Variants in GPR89A observed in about 807,000 individuals in gnomAD.
GPR89A encodes the protein G protein-coupled receptor 89A.
A neutral mutation model predicts 52.0 loss-of-function variants in GPR89A; 16 were observed. The observed-to-expected ratio is 0.31, with a 90% CI of 0.21 to 0.47. The LOEUF is 0.47. GPR89A is among the 20% of genes least tolerant of loss of function. GPR89A has a pLI of 1.00. For missense variants in GPR89A, 135 were observed against 449.4 expected (o/e 0.30, Z 6.33); for synonymous variants, 55 against 150.9 (o/e 0.36, Z 4.66).
At chr1:145,639,746 C>CAAAA (rs71584625) in intron 7 of GPR89A, among the ~76,000 whole-genome samples, 1 of 131,216 alleles carries the variant, frequency 7.6e-6, no homozygotes, top group Non-Finnish European at 1.6e-5. Context: ...AACTCTGTCT[C>CAAAA]AAAAAAAAAA....
At position 145,629,198 on chromosome 1, in the gene GPR89A, G is replaced by A. The variant is rs139686415; in HGVS notation, c.416-1489G>A. The stretch of plus-strand genomic sequence containing the variant: ...AGGATGAGACAGTTCCCAGGGCCCA[G>A]AGAAGATCAGAAGCACAAGTGGAGA... On this transcript the variant is annotated intron_variant, in intron 5 of 13. Coordinates refer to ENST00000313835, the MANE Select transcript of GPR89A (RefSeq NM_001097612.2). Among the ~76,000 whole-genome samples, 667 of 152,238 alleles carry A rather than the reference G, an allele frequency of 4.4e-3. 5 individuals carry two copies. Among genetic ancestry groups the A allele is most frequent in the African/African-American group, 0.015 (625 of 41,508 alleles).
chr1:145,618,407 G>C lies in GPR89A; in HGVS notation c.190G>C (p.Gly64Arg). 7.0e-7 allele frequency: 1 copy of C among 1,427,120 alleles called. No homozygotes were observed. Among genetic ancestry groups the C allele is most frequent in the Non-Finnish European group, 9.4e-7 (1 of 1,066,466 alleles). 88.4% of individuals were successfully genotyped at this position (1,427,120 alleles called of 1,614,324 possible). A position where few individuals can be genotyped will look rare whatever the true frequency, so the allele number is the denominator to read the frequency against. ...TGAGCTCATCATCTTTGAAATCTTA[G>C]GAGTATTGAATAGCAGGTGAGTAAG... ...MFELIIFEIL[G>R]VLNSSSRYFH... The change falls in exon 3 of 14, where the codon GGA becomes CGA. Residue 64 changes from glycine to arginine, a missense_variant. Gly to Arg is a moderately radical substitution (Grantham distance 125). Coordinates refer to ENST00000313835, the MANE Select transcript of GPR89A (RefSeq NM_001097612.2).
chr1:145,622,058 A>G (rs1400409214), intron 3 of GPR89A, among the ~76,000 whole-genome samples: 2 of 151,716 alleles, frequency 1.3e-5, no homozygotes, highest in African/African-American at 2.4e-5. Context: ...CATATGACCC[A>G]ACAATTCCAC....
intron 1 of GPR89A, 139 bp from the exon 2 acceptor site, chr1:145,616,095 C>T: frequency 1.5e-6 from 1 of 655,700 alleles, no homozygotes; most frequent in Non-Finnish European, 2.7e-6. Context: ...AATAATAGGT[C>T]TTATAAGAGT....
At chr1:145,657,606 C>T (rs587655992) in intron 10 of GPR89A, among the ~76,000 whole-genome samples, 193 of 152,148 alleles carry the variant, frequency 1.3e-3, no homozygotes, top group African/African-American at 4.5e-3. Context: ...TCAATAAAGC[C>T]GTCTGGGCCT....
chr1:145,613,779 C>A (rs1388452067), intron 1 of GPR89A, among the ~76,000 whole-genome samples: 11 of 150,730 alleles, frequency 7.3e-5, no homozygotes, highest in Admixed American at 2.0e-4. Flanking sequence ...CTACCTGATT[C>A]GTTTTTTGTT....
chr1:145,662,811 A>G (rs1441321350), intron 10 of GPR89A, among the ~76,000 whole-genome samples: 3 of 149,908 alleles, frequency 2.0e-5, no homozygotes, highest in Admixed American at 6.7e-5. Flanking sequence ...CTGTGTTGCT[A>G]TTTCTTTTCA....
At chr1:145,639,107 G>T (rs1650452467) in intron 7 of GPR89A, among the ~76,000 whole-genome samples, 1 of 151,438 alleles carries the variant, frequency 6.6e-6, no homozygotes, top group Non-Finnish European at 1.5e-5. Flanking sequence ...GGACTTGTTT[G>T]CTGAAAATTA....
At chr1:145,614,897 A>T (rs1485470185) in intron 1 of GPR89A, among the ~76,000 whole-genome samples, 86 of 152,034 alleles carry the variant, frequency 5.7e-4, no homozygotes, top group Non-Finnish European at 5.9e-4. Context: ...AGGGGGCTGA[A>T]CACATGAGTT....
At chr1:145,657,767 A>G (rs1651908912) in intron 10 of GPR89A, among the ~76,000 whole-genome samples, 1 of 149,276 alleles carries the variant, frequency 6.7e-6, no homozygotes, top group Admixed American at 6.7e-5. Flanking sequence ...TGTCAAATTT[A>G]TTGGCATGAT....
At chr1:145,610,366 C>G (rs1385263443) in intron 1 of GPR89A, among the ~76,000 whole-genome samples, 2 of 152,066 alleles carry the variant, frequency 1.3e-5, no homozygotes. Context: ...ATTGATGGGA[C>G]CCTGGCTCTT....
chr1:145,614,007 G>A (rs779178680), intron 1 of GPR89A, among the ~76,000 whole-genome samples: 7 of 151,970 alleles, frequency 4.6e-5, no homozygotes, highest in Non-Finnish European at 7.4e-5. Context: ...AGCTGGTCTC[G>A]AACTCCTGGG....
intron 3 of GPR89A, among the ~76,000 whole-genome samples, chr1:145,620,022 TAAATAAATAAA>T (rs200007650): frequency 0.036 from 5,484 of 151,494 alleles, 301 homozygotes; most frequent in African/African-American, 0.13. Flanking sequence ...CTCAAAAAAA[TAAATAAATAAA>T]AAATAATCCA....
chr1:145,670,436 T>C lies in GPR89A; in HGVS notation c.*396T>C. 3.0e-6 allele frequency: 1 copy of C among 329,224 alleles called. No individual in the cohort carries two copies. The highest frequency in any genetic ancestry group is 5.8e-6 in the Non-Finnish European group (1 of 173,168). 20.4% of individuals were successfully genotyped at this position (329,224 alleles called of 1,614,324 possible). On this transcript the variant is annotated 3_prime_UTR_variant, in exon 14 of 14. Coordinates refer to ENST00000313835, the MANE Select transcript of GPR89A (RefSeq NM_001097612.2). Reference sequence around the variant, plus strand: ...AAAAGGTTATAGCTTTGCCTTGAGATTGACTCATTAAAATCAGAGACTGTA... The same window carrying C: ...AAAAGGTTATAGCTTTGCCTTGAGACTGACTCATTAAAATCAGAGACTGTA...
chr1:145,629,607 C>T (rs1254143983), intron 5 of GPR89A, among the ~76,000 whole-genome samples: 2 of 152,064 alleles, frequency 1.3e-5, no homozygotes, highest in Non-Finnish European at 2.9e-5. Flanking sequence ...GGCAGCAAAA[C>T]ATGGGCACAG....
rs1288018427 is a variant in GPR89A, at chr1:145,646,452, C to G, written c.816+180C>G. The G allele has an allele frequency of 4.3e-5, 23 of 538,270 alleles. No homozygotes were observed. The East Asian group carries it at 7.0e-4, about 16-fold the overall frequency. 33.3% of individuals were successfully genotyped at this position (538,270 alleles called of 1,614,324 possible). A position where few individuals can be genotyped will look rare whatever the true frequency, so the allele number is the denominator to read the frequency against. On this transcript the variant is annotated intron_variant, in intron 9 of 13. Coordinates refer to ENST00000313835, the MANE Select transcript of GPR89A (RefSeq NM_001097612.2). ...TTCATGAAATTGCTCCTGTCACTAG[C>G]AAAATCCTTAATGGAACACTCTCAA...
At chr1:145,615,826 G>T (rs1648643819) in intron 1 of GPR89A, among the ~76,000 whole-genome samples, 1 of 151,938 alleles carries the variant, frequency 6.6e-6, no homozygotes, top group African/African-American at 2.4e-5. Context: ...TGCCATGTTG[G>T]CCAGACTGGT....
At position 145,616,226 on chromosome 1, in the gene GPR89A, T is replaced by C. The variant is rs1553686963; in HGVS notation, c.43-8T>C. 6.2e-6 allele frequency: 10 copies of C among 1,608,430 alleles called. No homozygotes were observed. The highest frequency in any genetic ancestry group is 8.5e-7 in the Non-Finnish European group (1 of 1,176,248). On this transcript the variant is annotated splice_region_variant and splice_polypyrimidine_tract_variant and intron_variant, in intron 1 of 13. Coordinates refer to ENST00000313835, the MANE Select transcript of GPR89A (RefSeq NM_001097612.2). Reference sequence around the variant, plus strand: ...ATGTATTGACATTCTATTTTCTTTCTCCTCCAGATACTATTTTTTGGATTT... The same window carrying C: ...ATGTATTGACATTCTATTTTCTTTCCCCTCCAGATACTATTTTTTGGATTT...
intron 7 of GPR89A, among the ~76,000 whole-genome samples, chr1:145,633,764 A>G (rs1215624897): frequency 2.2e-5 from 3 of 136,422 alleles, no homozygotes; most frequent in Non-Finnish European, 4.7e-5. Flanking sequence ...TTCTATTTCT[A>G]TGAAAAATGA....
Sources: allele counts gnomAD v4.1 joint callset (sites outside exome capture counted in the v4.1 genomes callset), GRCh38; gene constraint gnomAD v4.1.1; transcripts MANE v1.5; gene names NCBI Gene and HGNC (gene_info 2026-07-23, HGNC 2026-07-21).